Variants in ZNF547 observed in about 807,000 individuals in gnomAD.
The protein encoded by ZNF547 is zinc finger protein 547.
In ZNF547, 4 loss-of-function variants were observed where a neutral mutation model predicts 7.7. The ratio of observed to expected loss-of-function variants is 0.52; its 90% CI spans 0.26 to 1.20. The LOEUF (loss-of-function observed/expected upper bound fraction) is 1.20. Ranked by LOEUF, ZNF547 falls within the 50% of genes most tolerant of loss-of-function variation. The probability of loss-of-function intolerance (pLI) is 0.14; values close to 1 mark genes in which losing one functional copy is unlikely to be tolerated. For synonymous variants in ZNF547, 166 were observed against 166.2 expected (o/e 1.00, Z 0.01); for missense variants, 449 against 485.8 (o/e 0.92, Z 0.71).
At chr19:57,363,730 C>CG (rs199801342) in intron 1 of ZNF547, 27 bp downstream of exon 1, 4,918 of 141,038 alleles carry the variant, frequency 0.035, 110 homozygotes, top group Non-Finnish European at 0.051. Flanking sequence ...AGGCCCCCCC[C>CG]CACCTCCGCC....
intron 1 of ZNF547, 31 bp from the exon 2 acceptor site, chr19:57,368,513 C>T: frequency 1.2e-6 from 2 of 1,612,450 alleles, no homozygotes; most frequent in South Asian, 1.1e-5. Flanking sequence ...CCCATCGTTG[C>T]CCATTTCTCA....
Position 57,368,548 on chromosome 19 carries a change from C to G in ZNF547, c.-8C>G. On this transcript the variant is annotated 5_prime_UTR_variant, in exon 2 of 4. Coordinates refer to ENST00000282282, the MANE Select transcript of ZNF547 (RefSeq NM_173631.4). ...ACGGTTTCCCTCTTCCTTCAGGGTCCCCTGGCGATGGCAGAAATGAACCCT... is the reference window on the plus strand; with the variant it reads ...ACGGTTTCCCTCTTCCTTCAGGGTCGCCTGGCGATGGCAGAAATGAACCCT... 1 of 1,614,132 alleles carries G rather than the reference C, an allele frequency of 6.2e-7. No homozygotes were observed. The highest frequency in any genetic ancestry group is 8.5e-7 in the Non-Finnish European group (1 of 1,180,002).
chr19:57,371,621 A>T, intron 2 of ZNF547, 161 bp from the exon 3 acceptor site: 1 of 1,124,256 alleles, frequency 8.9e-7, no homozygotes, highest in Non-Finnish European at 1.3e-6. Flanking sequence ...GGAGATGGTT[A>T]AGAATATGTG....
intron 1 of ZNF547, 50 bp from the exon 2 acceptor site, chr19:57,368,494 T>C: frequency 1.3e-6 from 2 of 1,589,386 alleles, no homozygotes; most frequent in Non-Finnish European, 1.7e-6. Flanking sequence ...ACTCTGCCTG[T>C]AAGATCTTCC....
intron 1 of ZNF547, among the ~76,000 whole-genome samples, chr19:57,367,651 G>A (rs576240704): frequency 3.3e-5 from 5 of 152,188 alleles, no homozygotes; most frequent in South Asian, 2.1e-4. Flanking sequence ...TAGAAAAAGG[G>A]AGGCGTGGGT....
intron 3 of ZNF547, among the ~76,000 whole-genome samples, chr19:57,376,274 C>G (rs559922071): frequency 6.6e-6 from 1 of 152,060 alleles, no homozygotes; most frequent in Non-Finnish European, 1.5e-5. Flanking sequence ...ACCCTTGACA[C>G]GTGGGGATTA....
chr19:57,368,812 A>C (rs564727610), intron 2 of ZNF547, among the ~76,000 whole-genome samples: 51 of 152,294 alleles, frequency 3.3e-4, no homozygotes, highest in African/African-American at 1.2e-3. Flanking sequence ...GATTATGTGG[A>C]GTGGCTCCCA....
intron 1 of ZNF547, among the ~76,000 whole-genome samples, chr19:57,365,560 G>C: frequency 6.7e-6 from 1 of 148,262 alleles, no homozygotes; most frequent in Non-Finnish European, 1.5e-5. Context: ...CCAGGCTGGA[G>C]TGCAGTGGCA....
rs778312640 is a variant in ZNF547, at chr19:57,371,912, A to G, written c.151+4A>G. 1.1e-5 allele frequency: 17 copies of G among 1,598,698 alleles called. No homozygotes were observed. Among genetic ancestry groups the G allele is most frequent in the Non-Finnish European group, 1.4e-5 (16 of 1,171,692 alleles). On this transcript the variant is annotated splice_donor_region_variant and intron_variant, in intron 3 of 3. Transcript: ENST00000282282. ...TTGGCCCTTTTGTCCTCACTAGGTA[A>G]GGCCCTCACACTTGCCCAGTGTCCT...
At chr19:57,367,989 A>G (rs1183292424) in intron 1 of ZNF547, 1 of 152,370 alleles carries the variant, frequency 6.6e-6, no homozygotes, top group African/African-American at 2.4e-5. Flanking sequence ...TATATGAAAC[A>G]CTTATTGGTA....
chr19:57,372,031 A>G (rs981607339), intron 3 of ZNF547, 123 bp downstream of exon 3: 2 of 1,417,066 alleles, frequency 1.4e-6, no homozygotes, highest in South Asian at 1.7e-5. Context: ...GTTTCCTGAC[A>G]TATGTTCCAT....
intron 3 of ZNF547, 49 bp downstream of exon 3, chr19:57,371,957 C>T (rs2088507840): frequency 1.3e-6 from 2 of 1,512,492 alleles, no homozygotes; most frequent in African/African-American, 1.4e-5. Flanking sequence ...TGTGTTGTCT[C>T]CTTTTACCTG....
In ZNF547 at chr19:57,366,829, G is replaced by A. The variant is rs534605522; in HGVS notation, c.-12-1715G>A. ...GAAATGTCATAGCACATACGTGGAC[G>A]TTATGCATTTAGAGATGTTATAAAA... On this transcript the variant is annotated intron_variant, in intron 1 of 3. Coordinates refer to ENST00000282282, the MANE Select transcript of ZNF547 (RefSeq NM_173631.4). 2.6e-5 allele frequency among the ~76,000 whole-genome samples: 4 copies of A among 152,308 alleles called. 1 individual carries two copies. Among genetic ancestry groups the A allele is most frequent in the East Asian group, 3.9e-4 (2 of 5,178 alleles).
In ZNF547 at chr19:57,377,983, A is replaced by T; in HGVS notation, c.1007A>T (p.Lys336Ile). Reference sequence around the variant, plus strand: ...GAATGTGGGAAATTCTTCAGCTTGAAATCCGTCCTCATTCAACACCAAAGA... The same window carrying T: ...GAATGTGGGAAATTCTTCAGCTTGATATCCGTCCTCATTCAACACCAAAGA... The part of the protein sequence containing the change: ...CNECGKFFSL[K>I]SVLIQHQRVH... The change falls in exon 4 of 4, where the codon AAA (lysine) becomes ATA (isoleucine). Residue 336 changes from lysine (K) to isoleucine (I), a missense_variant. Coordinates refer to ENST00000282282, the MANE Select transcript of ZNF547 (RefSeq NM_173631.4). 6.2e-7 allele frequency: 1 copy of T among 1,614,090 alleles called. No individual in the cohort carries two copies. The highest frequency in any genetic ancestry group is 8.5e-7 in the Non-Finnish European group (1 of 1,179,984).
At chr19:57,366,475 G>A (rs2088470583) in intron 1 of ZNF547, among the ~76,000 whole-genome samples, 1 of 151,766 alleles carries the variant, frequency 6.6e-6, no homozygotes, top group African/African-American at 2.4e-5. Flanking sequence ...CTCCCGGAGT[G>A]CTGGGATTAC....
Position 57,378,298 on chromosome 19 carries a change from A to G in ZNF547, c.*113A>G. ...CTGAATGCCGTGAACGTGGGTAATT[A>G]TGTAGGTACAGCTCTCCAGTCGCTA... On this transcript the variant is annotated 3_prime_UTR_variant, in exon 4 of 4. Coordinates refer to ENST00000282282, the MANE Select transcript of ZNF547 (RefSeq NM_173631.4). 1.1e-6 allele frequency: 1 copy of G among 943,172 alleles called. No individual in the cohort carries two copies. Among genetic ancestry groups the G allele is most frequent in the South Asian group, 1.5e-5 (1 of 65,622 alleles). 58.4% of individuals were successfully genotyped at this position (943,172 alleles called of 1,614,324 possible). A position where few individuals can be genotyped will look rare whatever the true frequency, so the allele number is the denominator to read the frequency against.
intron 3 of ZNF547, among the ~76,000 whole-genome samples, chr19:57,372,363 C>A (rs2088511741): frequency 6.6e-6 from 1 of 152,204 alleles, no homozygotes; most frequent in Non-Finnish European, 1.5e-5. Context: ...TGTGAGATAT[C>A]ATCAGGTGAT....
intron 2 of ZNF547, among the ~76,000 whole-genome samples, chr19:57,370,359 C>T (rs1235042846): frequency 6.6e-6 from 1 of 152,122 alleles, no homozygotes; most frequent in Non-Finnish European, 1.5e-5. Context: ...CAACCCAGGG[C>T]TTAGGGCTGC....
At chr19:57,376,386 A>G (rs1376342590) in intron 3 of ZNF547, among the ~76,000 whole-genome samples, 1 of 152,218 alleles carries the variant, frequency 6.6e-6, no homozygotes. Context: ...TTGCAGCCCA[A>G]TAATGAGATG....
Sources: allele counts gnomAD v4.1 joint callset (sites outside exome capture counted in the v4.1 genomes callset), GRCh38; gene constraint gnomAD v4.1.1; transcripts MANE v1.5; gene names NCBI Gene and HGNC (gene_info 2026-07-23, HGNC 2026-07-21).